CASD1: variants seen among roughly 807,000 people sequenced by gnomAD.
CASD1 encodes CAS1 domain sialic acid O acetyltransferase 1.
A neutral mutation model predicts 100.0 loss-of-function variants in CASD1; 41 were observed. The observed-to-expected ratio is 0.41, with a 90% confidence interval of 0.32 to 0.53. CASD1 has a LOEUF of 0.53. Ranked by LOEUF, CASD1 falls within the 20% of genes least tolerant of loss-of-function variation. The pLI is 0.25. For missense variants in CASD1, 774 were observed against 948.7 expected (o/e 0.82, Z 2.42); for synonymous variants, 321 against 315.6 (o/e 1.02, Z -0.18).
chr7:94,606,233 T>C, the CASD1 span, among the ~76,000 whole-genome samples: 1 of 152,144 alleles, frequency 6.6e-6, no homozygotes, highest in Non-Finnish European at 1.5e-5. Flanking sequence ...TTATAAAAAA[T>C]ATCTACTTTA....
the CASD1 span, among the ~76,000 whole-genome samples, chr7:94,630,846 C>T: frequency 1.3e-5 from 2 of 151,904 alleles, no homozygotes; most frequent in Non-Finnish European, 1.5e-5. Flanking sequence ...CACAAGGCTG[C>T]TCACTCCAAG....
chr7:94,574,820 A>G, the CASD1 span, among the ~76,000 whole-genome samples: 1 of 152,092 alleles, frequency 6.6e-6, no homozygotes, highest in Non-Finnish European at 1.5e-5. Context: ...AATACAAAAA[A>G]TTAGCCGGGC....
In CASD1 at chr7:94,526,824, A is replaced by G. The variant is rs1463273300; in HGVS notation, c.352-338A>G. Among the ~76,000 whole-genome samples, 5 of 152,288 alleles carry G rather than the reference A, an allele frequency of 3.3e-5. No homozygotes were observed. In the East Asian group the frequency reaches 9.7e-4, roughly 29 times the overall value. On this transcript the variant is annotated intron_variant, in intron 3 of 17. Coordinates refer to ENST00000297273, the MANE Select transcript of CASD1 (RefSeq NM_022900.5). ...CAAACAAAATCAAATCAAACAAAAA[A>G]TAGTAATACTGGAACTAAATTGGAA...
the CASD1 span, among the ~76,000 whole-genome samples, chr7:94,563,638 A>C: frequency 6.6e-6 from 1 of 151,752 alleles, no homozygotes; most frequent in African/African-American, 2.4e-5. Flanking sequence ...AAATCCATAC[A>C]TTTTTCATTA....
At chr7:94,559,515 A>G (rs1272350247), downstream of CASD1, among the ~76,000 whole-genome samples, 2 of 151,880 alleles carry the variant, frequency 1.3e-5, no homozygotes, top group Non-Finnish European at 2.9e-5. Context: ...AGATACTAAA[A>G]TTGTTTTGCT....
chr7:94,550,236 T>A (rs544909804), intron 14 of CASD1, among the ~76,000 whole-genome samples: 90 of 152,266 alleles, frequency 5.9e-4, no homozygotes, highest in Non-Finnish European at 1.1e-3. Context: ...TAATAACTAT[T>A]AATTATTTCA....
At position 94,510,035 on chromosome 7, in the gene CASD1, C is replaced by G. The variant is rs1200257599; in HGVS notation, c.-50C>G. 3 of 1,459,984 alleles carry G rather than the reference C, an allele frequency of 2.1e-6. No individual in the cohort carries two copies. The South Asian group carries it at 4.0e-5, about 20-fold the overall frequency. 90.4% of individuals were successfully genotyped at this position (1,459,984 alleles called of 1,614,324 possible). On this transcript the variant is annotated 5_prime_UTR_variant, in exon 1 of 18. Coordinates refer to ENST00000297273, the MANE Select transcript of CASD1 (RefSeq NM_022900.5). ...CGGCAGCCCCAGTGCTGCCCCTGTG[C>G]GGCGCCCCTTTCCCGCTCCGCCGCG...
At chr7:94,558,188 A>T (rs1204618585), downstream of CASD1, among the ~76,000 whole-genome samples, 1 of 152,124 alleles carries the variant, frequency 6.6e-6, no homozygotes, top group African/African-American at 2.4e-5. Flanking sequence ...AGCCCATCTA[A>T]ATTAATAATG....
At chr7:94,563,610 T>TA in the CASD1 span, among the ~76,000 whole-genome samples, 1 of 152,168 alleles carries the variant, frequency 6.6e-6, no homozygotes, top group Non-Finnish European at 1.5e-5. Flanking sequence ...TGTTATTTCT[T>TA]ACATTTTTTG....
chr7:94,587,470 G>GAA, the CASD1 span: 1 of 1,243,534 alleles, frequency 8.0e-7, no homozygotes, highest in East Asian at 3.3e-5. Flanking sequence ...TAATAACGAA[G>GAA]AAGTTCTATC....
chr7:94,533,196 T>C lies in CASD1; in HGVS notation c.460-9T>C. ...TATAATACTATGATAAAGATTTGTC[T>C]TCCTTTAGGATTCCATTGCAAAGCC... On this transcript the variant is annotated splice_polypyrimidine_tract_variant and intron_variant, in intron 5 of 17. Coordinates refer to ENST00000297273, the MANE Select transcript of CASD1 (RefSeq NM_022900.5). The C allele has an allele frequency of 6.2e-7, 1 of 1,601,990 alleles. No homozygotes were observed. Among genetic ancestry groups the C allele is most frequent in the Non-Finnish European group, 8.5e-7 (1 of 1,170,972 alleles).
the CASD1 span, among the ~76,000 whole-genome samples, chr7:94,575,938 G>C: frequency 6.6e-6 from 1 of 152,170 alleles, no homozygotes; most frequent in East Asian, 1.9e-4. Context: ...TCAATAGTTT[G>C]ATCATGATGT....
At chr7:94,582,804 A>T in the CASD1 span, among the ~76,000 whole-genome samples, 3 of 152,222 alleles carry the variant, frequency 2.0e-5, no homozygotes, top group African/African-American at 7.2e-5. Context: ...ACGACTTAAT[A>T]TCTGTCTTTT....
chr7:94,622,385 T>C, the CASD1 span: 1 of 152,310 alleles, frequency 6.6e-6, no homozygotes, highest in Non-Finnish European at 1.5e-5. Flanking sequence ...CCCAGCACTT[T>C]GGAAGGCCAA....
the CASD1 span, among the ~76,000 whole-genome samples, chr7:94,603,615 T>C: frequency 6.6e-6 from 1 of 152,144 alleles, no homozygotes; most frequent in South Asian, 2.1e-4. Context: ...ATGTAGGGGC[T>C]TCCTTTCATT....
chr7:94,555,780 C>A lies in CASD1; in HGVS notation c.*22C>A. ...TTAGGTTCCAAAAATTCTAAAAAAC[C>A]TAAACTCTTCAGGCTACCTTTGTGT... On this transcript the variant is annotated 3_prime_UTR_variant, in exon 18 of 18. Coordinates refer to ENST00000297273, the MANE Select transcript of CASD1 (RefSeq NM_022900.5). 3 of 1,601,048 alleles carry A rather than the reference C, an allele frequency of 1.9e-6. No homozygotes were observed. The highest frequency in any genetic ancestry group is 1.1e-5 in the South Asian group (1 of 89,224).
the CASD1 span, among the ~76,000 whole-genome samples, chr7:94,576,712 C>G: frequency 3.3e-5 from 5 of 152,310 alleles, no homozygotes; most frequent in African/African-American, 1.2e-4. Context: ...CCTCCTGGAA[C>G]AATTAAGGAC....
the CASD1 span, chr7:94,600,612 T>A: frequency 6.9e-7 from 1 of 1,445,630 alleles, no homozygotes; most frequent in East Asian, 2.3e-5. Flanking sequence ...CTTAGCAGGA[T>A]CTCTAATTAT....
chr7:94,582,637 A>G, the CASD1 span, among the ~76,000 whole-genome samples: 1 of 152,132 alleles, frequency 6.6e-6, no homozygotes, highest in African/African-American at 2.4e-5. Context: ...TTTTCATCTT[A>G]GCATTTACTA....
Sources: allele counts gnomAD v4.1 joint callset (sites outside exome capture counted in the v4.1 genomes callset), GRCh38; gene constraint gnomAD v4.1.1; transcripts MANE v1.5; gene names NCBI Gene and HGNC (gene_info 2026-07-23, HGNC 2026-07-21).